The following STK38L variants were observed in gnomAD, a reference collection of about 807,000 sequenced individuals.
STK38L encodes serine/threonine kinase 38 like, also known as serine/threonine-protein kinase 38-like.
Under a neutral mutation model 59.7 loss-of-function variants are expected in STK38L, and 28 were observed. The ratio of observed to expected loss-of-function variants is 0.47; its 90% confidence interval spans 0.35 to 0.64. STK38L has a LOEUF of 0.64. Among genes scored for constraint, STK38L ranks in the 30% least tolerant of loss-of-function variants. The pLI is 0.01. For missense variants in STK38L, 314 were observed against 555.8 expected (o/e 0.56, Z 4.37); for synonymous variants, 162 against 176.8 (o/e 0.92, Z 0.66).
chr12:27,317,859 A>G (rs1369217058), intron 10 of STK38L, 37 bp from the exon 11 acceptor site: 1 of 1,610,834 alleles, frequency 6.2e-7, no homozygotes, highest in Non-Finnish European at 8.5e-7. Flanking sequence ...ACTGCTCACA[A>G]AGCTGATGAA....
intron 5 of STK38L, among the ~76,000 whole-genome samples, chr12:27,310,548 T>C (rs1315084604): frequency 4.6e-5 from 7 of 150,818 alleles, no homozygotes; most frequent in Non-Finnish European, 1.5e-5. Context: ...CAAATAAGGC[T>C]TGGTGCAAAA....
At chr12:27,270,310 C>G (rs541301788) in intron 1 of STK38L, among the ~76,000 whole-genome samples, 1 of 152,076 alleles carries the variant, frequency 6.6e-6, no homozygotes, top group Non-Finnish European at 1.5e-5. Context: ...CAGGCCCAGG[C>G]GATCCTCCCA....
chr12:27,317,249 A>C, intron 9 of STK38L, 87 bp from the exon 10 acceptor site: 1 of 891,804 alleles, frequency 1.1e-6, no homozygotes, highest in Non-Finnish European at 1.8e-6. Flanking sequence ...ACTCCTCTAT[A>C]TATTGCTTTT....
At chr12:27,269,261 A>G (rs1485604867) in intron 1 of STK38L, among the ~76,000 whole-genome samples, 2 of 152,150 alleles carry the variant, frequency 1.3e-5, no homozygotes, top group Non-Finnish European at 2.9e-5. Context: ...TAGGTCTAAC[A>G]TGTAAGTCTT....
intron 1 of STK38L, among the ~76,000 whole-genome samples, chr12:27,246,076 TG>T (rs1481806090): frequency 3.3e-5 from 5 of 152,248 alleles, no homozygotes. Context: ...TGAGATGATT[TG>T]TGCCAACAAA....
intron 11 of STK38L, among the ~76,000 whole-genome samples, chr12:27,318,566 T>C (rs1030085521): frequency 2.0e-5 from 3 of 152,202 alleles, no homozygotes; most frequent in African/African-American, 7.2e-5. Flanking sequence ...ATCAGATACG[T>C]ATAAAGATTT....
intron 1 of STK38L, among the ~76,000 whole-genome samples, chr12:27,250,002 A>G (rs549976603): frequency 3.0e-4 from 46 of 152,224 alleles, no homozygotes; most frequent in Non-Finnish European, 6.6e-4. Context: ...CAAATCAGCT[A>G]CAGATACACC....
chr12:27,294,633 G>T (rs1943969969), intron 1 of STK38L, among the ~76,000 whole-genome samples: 1 of 151,254 alleles, frequency 6.6e-6, no homozygotes, highest in South Asian at 2.1e-4. Context: ...CCCATCCCAA[G>T]CCCCAGTTAA....
chr12:27,312,862 A>G (rs1944488220), intron 6 of STK38L, among the ~76,000 whole-genome samples, 190 bp downstream of exon 6: 1 of 152,242 alleles, frequency 6.6e-6, no homozygotes, highest in African/African-American at 2.4e-5. Flanking sequence ...GGAATTATAA[A>G]GTTAGCACAT....
At chr12:27,274,817 C>G (rs1943498490) in intron 1 of STK38L, among the ~76,000 whole-genome samples, 1 of 152,180 alleles carries the variant, frequency 6.6e-6, no homozygotes, top group African/African-American at 2.4e-5. Flanking sequence ...ATATAACTCA[C>G]TATGTTTTCT....
rs112904393 is a variant in STK38L, at chr12:27,264,654, G to A, written c.-12+20322G>A. On this transcript the variant is annotated intron_variant, in intron 1 of 13. Transcript: ENST00000389032. Reference sequence around the variant, plus strand: ...GCATGGTATACCAACTATTTATGTAGCATTTACATCATATTAAGTATTAGA... The same window carrying A: ...GCATGGTATACCAACTATTTATGTAACATTTACATCATATTAAGTATTAGA... Among the ~76,000 whole-genome samples the A allele has an allele frequency of 4.6e-5, 7 of 152,236 alleles. 1 individual carries two copies. Among genetic ancestry groups the A allele is most frequent in the South Asian group, 2.1e-4 (1 of 4,828 alleles).
chr12:27,285,210 T>A (rs1316607292), intron 1 of STK38L, among the ~76,000 whole-genome samples: 1 of 152,120 alleles, frequency 6.6e-6, no homozygotes, highest in Non-Finnish European at 1.5e-5. Flanking sequence ...TGGTTTTTAT[T>A]TGAAAAGGAA....
intron 12 of STK38L, 54 bp downstream of exon 12, chr12:27,319,477 G>A: frequency 1.6e-6 from 2 of 1,268,420 alleles, no homozygotes; most frequent in Non-Finnish European, 2.3e-6. Context: ...AATTTCTAGA[G>A]TTGGCAATTA....
intron 5 of STK38L, among the ~76,000 whole-genome samples, chr12:27,309,749 C>CA (rs1335311933): frequency 1.3e-5 from 2 of 152,192 alleles, no homozygotes; most frequent in Non-Finnish European, 2.9e-5. Context: ...GATGCATGAA[C>CA]ATTCAGTACA....
chr12:27,275,591 G>T (rs567113372), intron 1 of STK38L, among the ~76,000 whole-genome samples: 2 of 151,750 alleles, frequency 1.3e-5, no homozygotes, highest in African/African-American at 4.8e-5. Flanking sequence ...CGCTCACCTC[G>T]GCCTCCCAAA....
At chr12:27,319,482 C>A in intron 12 of STK38L, 59 bp downstream of exon 12, 1 of 1,174,764 alleles carries the variant, frequency 8.5e-7, no homozygotes, top group Non-Finnish European at 1.2e-6. Flanking sequence ...CTAGAGTTGG[C>A]AATTAATTTA....
chr12:27,317,198 G>T, intron 9 of STK38L, 138 bp from the exon 10 acceptor site: 1 of 648,542 alleles, frequency 1.5e-6, no homozygotes, highest in Non-Finnish European at 2.7e-6. Context: ...ACTAAGCCTT[G>T]CACATGATAA....
At chr12:27,248,102 A>G (rs568214719) in intron 1 of STK38L, among the ~76,000 whole-genome samples, 34 of 152,242 alleles carry the variant, frequency 2.2e-4, no homozygotes, top group Middle Eastern at 3.4e-3. Flanking sequence ...GTGTGAGCCA[A>G]TGTGCCCAGC....
At chr12:27,306,201 C>T (rs546373185) in intron 3 of STK38L, among the ~76,000 whole-genome samples, 1 of 152,268 alleles carries the variant, frequency 6.6e-6, no homozygotes, top group Non-Finnish European at 1.5e-5. Flanking sequence ...ATTATACAAA[C>T]TACTAGACAA....
Sources: allele counts gnomAD v4.1 joint callset (sites outside exome capture counted in the v4.1 genomes callset), GRCh38; gene constraint gnomAD v4.1.1; transcripts MANE v1.5; gene names NCBI Gene and HGNC (gene_info 2026-07-23, HGNC 2026-07-21).